OTUD7A: variants seen among roughly 807,000 people sequenced by gnomAD.
The protein encoded by OTUD7A is OTU deubiquitinase 7A, also known as OTU domain-containing protein 7A.
In OTUD7A, 12 loss-of-function variants were observed where a neutral mutation model predicts 65.7. The observed-to-expected ratio is 0.18, with a 90% confidence interval of 0.12 to 0.30. The LOEUF (loss-of-function observed/expected upper bound fraction) is 0.30, where lower values mean the gene tolerates loss of function less well. Among genes scored for constraint, OTUD7A ranks in the 10% least tolerant of loss-of-function variants. The pLI is 1.00. For synonymous variants in OTUD7A, 641 were observed against 586.3 expected, an observed-to-expected ratio of 1.09 and a Z score of -1.35; for missense variants, 1,148 against 1,304.8, an observed-to-expected ratio of 0.88 and a Z score of 1.85.
At chr15:31,842,398 AAG>A (rs1237950158) in intron 1 of OTUD7A, among the ~76,000 whole-genome samples, 2 of 152,234 alleles carry the variant, frequency 1.3e-5, no homozygotes, top group African/African-American at 4.8e-5. Flanking sequence ...GACTAAGGGA[AAG>A]AGAGGCTAGC....
chr15:31,858,257 G>C (rs28521676), intron 1 of OTUD7A, among the ~76,000 whole-genome samples: 1 of 151,928 alleles, frequency 6.6e-6, no homozygotes, highest in African/African-American at 2.4e-5. Flanking sequence ...AGACTGAGGC[G>C]GACCACAGCC....
intron 1 of OTUD7A, among the ~76,000 whole-genome samples, chr15:31,759,320 T>C (rs1014183251): frequency 6.6e-6 from 1 of 152,230 alleles, no homozygotes; most frequent in Non-Finnish European, 1.5e-5. Context: ...GTGACCATAA[T>C]ATGTGGCCAG....
intron 1 of OTUD7A, among the ~76,000 whole-genome samples, chr15:31,753,682 G>A (rs755734027): frequency 0.027 from 1,774 of 66,744 alleles, 58 homozygotes; most frequent in Non-Finnish European, 0.034. Flanking sequence ...TATATAACCT[G>A]TGAGATATAT....
intron 1 of OTUD7A, among the ~76,000 whole-genome samples, chr15:31,816,917 T>C (rs1165925839): frequency 2.6e-5 from 4 of 152,184 alleles, no homozygotes. Context: ...CGCAAGAAGG[T>C]GTCTGTCATG....
intron 1 of OTUD7A, among the ~76,000 whole-genome samples, chr15:31,841,113 TTGG>T (rs1487580594): frequency 6.6e-6 from 1 of 152,130 alleles, no homozygotes; most frequent in Non-Finnish European, 1.5e-5. Flanking sequence ...ATACATCTGC[TTGG>T]TACACAGAGG....
At chr15:31,574,910 C>T (rs532043115) in intron 3 of OTUD7A, among the ~76,000 whole-genome samples, 3 of 152,278 alleles carry the variant, frequency 2.0e-5, no homozygotes, top group African/African-American at 7.2e-5. Flanking sequence ...CAGGACAGCC[C>T]CTCCACTTTG....
intron 1 of OTUD7A, chr15:31,787,875 A>C (rs569251602): frequency 6.6e-6 from 1 of 152,360 alleles, no homozygotes; most frequent in South Asian, 2.1e-4. Context: ...GACCCTAGGA[A>C]TATATCTAAC....
intron 3 of OTUD7A, among the ~76,000 whole-genome samples, chr15:31,605,057 T>G (rs1445147768): frequency 6.6e-6 from 1 of 152,212 alleles, no homozygotes; most frequent in East Asian, 1.9e-4. Flanking sequence ...CAGGAGAAAG[T>G]AGGGCCTTCC....
At chr15:31,505,444 G>A (rs555883647) in intron 8 of OTUD7A, among the ~76,000 whole-genome samples, 1 of 152,208 alleles carries the variant, frequency 6.6e-6, no homozygotes, top group African/African-American at 2.4e-5. Context: ...TCTTAGCACA[G>A]GTCTTTGAAT....
rs556412294 is a variant in OTUD7A at position 31,757,603 on chromosome 15, TATTGTATTCCCATGA to T, written c.-99-100541_-99-100527del. Among the ~76,000 whole-genome samples the T allele has an allele frequency of 8.9e-3, 1,349 of 152,246 alleles. 5 individuals are homozygous for T. Among genetic ancestry groups the T allele is most frequent in the Non-Finnish European group, 0.014 (944 of 67,992 alleles). On this transcript the variant is annotated intron_variant, in intron 1 of 12. Transcript: ENST00000307050. Reference sequence around the variant, plus strand: ...CAGCCAGCCGCAACGTATTCCCATGTATTGTATTCCCATGAATTGTACCATGGGCAACCCTGGCCC... The same window carrying T: ...CAGCCAGCCGCAACGTATTCCCATGTATTGTACCATGGGCAACCCTGGCCC...
rs944788983 is a variant in OTUD7A at position 31,681,626 on chromosome 15, TCTGTCTGA to T, written c.-99-24557_-99-24550del. The stretch of plus-strand genomic sequence containing the variant: ...CCTTTCCTTTCTCCCTCTATACCTT[TCTGTCTGA>T]CTGTGTTTCACTGTCTAATAATGAC... On this transcript the variant is annotated intron_variant, in intron 1 of 12. Coordinates refer to ENST00000307050, the MANE Select transcript of OTUD7A (RefSeq NM_001382637.1). 1.7e-4 allele frequency among the ~76,000 whole-genome samples: 9 copies of T among 51,998 alleles called. No individual in the cohort carries two copies. In the East Asian group the frequency reaches 5.9e-3, roughly 34 times the overall value. The allele number at this position is 51,998 out of a possible 152,430, so 34.1% of individuals were successfully genotyped here.
At position 31,475,630 on chromosome 15, in the gene OTUD7A, A is replaced by T. The variant is rs999613764; in HGVS notation, c.*7664T>A. The T allele has an allele frequency of 6.6e-6, 1 of 152,268 alleles. No homozygotes were observed. Among genetic ancestry groups the T allele is most frequent in the African/African-American group, 2.4e-5 (1 of 41,478 alleles). The allele number at this position is 152,268 out of a possible 1,614,324, so 9.4% of individuals were successfully genotyped here. ...ATTGCAAAAACTGGTTTAGTGCTTT[A>T]ATACTTTACAAAGTAATATCCCAAC... On this transcript the variant is annotated 3_prime_UTR_variant, in exon 13 of 13. Transcript: ENST00000307050.
At chr15:31,580,866 AC>A (rs911049344) in intron 3 of OTUD7A, among the ~76,000 whole-genome samples, 10 of 151,730 alleles carry the variant, frequency 6.6e-5, no homozygotes, top group African/African-American at 2.4e-4. Context: ...ATATAATTCC[AC>A]CCCCGGCCCC....
intron 1 of OTUD7A, among the ~76,000 whole-genome samples, chr15:31,866,787 T>C (rs773753326): frequency 6.6e-6 from 1 of 152,196 alleles, no homozygotes; most frequent in Non-Finnish European, 1.5e-5. Flanking sequence ...CCATTTACAG[T>C]GTTCAATCAA....
At chr15:31,796,781 C>T (rs1895973194) in intron 1 of OTUD7A, among the ~76,000 whole-genome samples, 1 of 152,222 alleles carries the variant, frequency 6.6e-6, no homozygotes, top group African/African-American at 2.4e-5. Flanking sequence ...GTTGCCCAGT[C>T]TGGAGTACAG....
chr15:31,835,452 A>G (rs941683013), intron 1 of OTUD7A, among the ~76,000 whole-genome samples: 16 of 152,186 alleles, frequency 1.1e-4, no homozygotes, highest in African/African-American at 3.9e-4. Flanking sequence ...TGGGCACCAT[A>G]GAGAATGGTG....
At position 31,526,357 on chromosome 15, in the gene OTUD7A, C is replaced by T. The variant is rs372172398; in HGVS notation, c.885G>A (p.Thr295=). The change falls in exon 8 of 13, where the codon ACG becomes ACA. Residue 295 remains threonine (T), a synonymous_variant. Transcript: ENST00000307050. ...GCAGGGGCAGCACTTACCCCCCGCCCGTGCCGCCATTCTTGCTGAAGTGTG... is the reference window on the plus strand; with the variant it reads ...GCAGGGGCAGCACTTACCCCCCGCCTGTGCCGCCATTCTTGCTGAAGTGTG... ...PRTHFSKNGG[T]GGGVDNSEDP... 1.9e-5 allele frequency: 31 copies of T among 1,594,376 alleles called. No individual in the cohort carries two copies. The highest frequency in any genetic ancestry group is 4.5e-5 in the South Asian group (4 of 88,266).
intron 8 of OTUD7A, among the ~76,000 whole-genome samples, chr15:31,524,251 G>A (rs1263763463): frequency 6.6e-6 from 1 of 152,114 alleles, no homozygotes; most frequent in Non-Finnish European, 1.5e-5. Context: ...AGTGGCATCT[G>A]TGGGGACCAG....
intron 1 of OTUD7A, among the ~76,000 whole-genome samples, chr15:31,784,756 CG>C (rs1373395102): frequency 6.6e-6 from 1 of 152,004 alleles, no homozygotes; most frequent in African/African-American, 2.4e-5. Context: ...CCAAAAGCAG[CG>C]GGCTTTGTAT....
Sources: gnomAD v4.1 joint callset for allele counts (sites outside exome capture counted in the v4.1 genomes callset) on GRCh38, gnomAD v4.1.1 for gene constraint, MANE v1.5 for transcripts, NCBI Gene and HGNC (gene_info 2026-07-23, HGNC 2026-07-21) for gene names.